PDE4C: variants seen among roughly 807,000 people sequenced by gnomAD.
The protein encoded by PDE4C is phosphodiesterase 4C, also known as 3',5'-cyclic-AMP phosphodiesterase 4C.
PDE4C carries 50 observed loss-of-function variants against 63.9 expected under a neutral mutation model. The observed-to-expected ratio is 0.78, with a 90% CI of 0.62 to 0.99. The LOEUF (loss-of-function observed/expected upper bound fraction) is 0.99. Ranked by LOEUF, PDE4C falls within the 50% of genes least tolerant of loss-of-function variation. PDE4C has a pLI of 0.00. For missense variants in PDE4C, 777 were observed against 899.1 expected, an observed-to-expected ratio of 0.86 and a Z score of 1.74; for synonymous variants, 377 against 385.1, an observed-to-expected ratio of 0.98 and a Z score of 0.25.
In PDE4C at chr19:18,220,290, G is replaced by A; in HGVS notation, c.642C>T (p.Thr214=). The change falls in exon 7 of 15, where the codon ACC becomes ACT. Residue 214 remains threonine (T), a synonymous_variant. Coordinates refer to ENST00000262805, the Ensembl canonical transcript of PDE4C. The surrounding 1 kb of genome is among the most constrained non-coding windows in gnomAD (Gnocchi z 5.1). ...CGGAGCGGCTGGTTTCGGACAGGTG[G>A]GTCAACTCCCGGTTCAGGATCCGCT... is the stretch of plus-strand genomic sequence containing the variant. 1 of 1,614,102 alleles carries A rather than the reference G, an allele frequency of 6.2e-7. No individual in the cohort carries two copies.
chr19:18,214,250 CAAA>C (rs78275392), intron 12 of PDE4C, among the ~76,000 whole-genome samples: 8 of 113,570 alleles, frequency 7.0e-5, no homozygotes, highest in Admixed American at 5.5e-4. Flanking sequence ...GACTCCGTCT[CAAA>C]AAAAAAAAAA....
At chr19:18,211,043 C>T (rs1967907746) in exon 15 of PDE4C, 1 of 1,614,136 alleles carries the variant, frequency 6.2e-7, no homozygotes, top group Non-Finnish European at 8.5e-7. Context: ...TCTCTTCCCC[C>T]TCCTCTTCTT....
downstream of PDE4C, chr19:18,208,754 C>T (rs1391602984): frequency 6.6e-6 from 1 of 152,154 alleles, no homozygotes; most frequent in East Asian, 1.9e-4. Context: ...CACACCTCGT[C>T]GGAGTTTATC....
exon 15 of PDE4C, chr19:18,211,003 G>A: frequency 1.2e-6 from 2 of 1,614,182 alleles, no homozygotes; most frequent in Non-Finnish European, 1.7e-6. Flanking sequence ...TCAGTGTCAG[G>A]CAACTCCAAG....
intron 1 of PDE4C, chr19:18,224,239 G>A (rs1322351200): frequency 1.0e-6 from 1 of 985,412 alleles, no homozygotes; most frequent in Non-Finnish European, 1.2e-6. Flanking sequence ...GGTGACCTGG[G>A]GGTGGGTTTT....
In PDE4C at chr19:18,247,906, G is replaced by A. The variant is rs940160452; in HGVS notation, c.-210+265C>T. ...AGGCACCAGTGTGAGACACCCGCCC[G>A]GACCTTGCAGCGGTCCCCATCCAGG... On this transcript the variant is annotated intron_variant, in intron 1 of 15. Transcript: ENST00000594617. Among the ~76,000 whole-genome samples the A allele has an allele frequency of 2.0e-5, 3 of 152,134 alleles. No homozygotes were observed. In the East Asian group the frequency reaches 5.8e-4, roughly 29 times the overall value.
At chr19:18,222,397 G>T in intron 1 of PDE4C, 74 bp from the exon 2 acceptor site, 1 of 1,388,310 alleles carries the variant, frequency 7.2e-7, no homozygotes, top group Non-Finnish European at 1.0e-6. Context: ...ACCTTGTCTG[G>T]TGCGTCCTCC....
chr19:18,240,257 G>A (rs554721838), intron 1 of PDE4C, among the ~76,000 whole-genome samples: 5 of 151,674 alleles, frequency 3.3e-5, no homozygotes, highest in East Asian at 3.9e-4. Flanking sequence ...GCACCCCGTC[G>A]CTACAAAACA....
chr19:18,244,820 T>A (rs1257520332), intron 1 of PDE4C, among the ~76,000 whole-genome samples: 4 of 151,160 alleles, frequency 2.6e-5, no homozygotes, highest in Non-Finnish European at 5.9e-5. Context: ...CTTTTTTTTT[T>A]TCTTTTTCTT....
At position 18,246,784 on chromosome 19, in the gene PDE4C, G is replaced by T. The variant is rs549766705; in HGVS notation, c.-210+1387C>A. 7.2e-5 allele frequency among the ~76,000 whole-genome samples: 11 copies of T among 152,168 alleles called. No individual in the cohort carries two copies. The South Asian group carries it at 1.7e-3, about 23-fold the overall frequency. ...TCTACTAAAAATACAAAAATCAGCCGGGCGTCAAGGCTTGTGCCTGTAACT... is the reference window on the plus strand; with the variant it reads ...TCTACTAAAAATACAAAAATCAGCCTGGCGTCAAGGCTTGTGCCTGTAACT... On this transcript the variant is annotated intron_variant, in intron 1 of 15. Transcript: ENST00000594617.
At chr19:18,221,067 G>T in intron 4 of PDE4C, 38 bp downstream of exon 4, 1 of 749,700 alleles carries the variant, frequency 1.3e-6, no homozygotes, top group Non-Finnish European at 1.9e-6. Flanking sequence ...CCTTGTCTCT[G>T]CCGGCCCCGC....
At chr19:18,233,157 G>T in exon 1 of PDE4C, 1 of 1,558,798 alleles carries the variant, frequency 6.4e-7, no homozygotes, top group South Asian at 1.2e-5. Flanking sequence ...CCTGCTGCAA[G>T]CCTCTGCCCC....
chr19:18,232,983 G>A (rs1968881241), exon 1 of PDE4C: 1 of 1,496,308 alleles, frequency 6.7e-7, no homozygotes. Flanking sequence ...GGAGAGCCGC[G>A]ACTTCCTGAG....
exon 12 of PDE4C, chr19:18,216,760 C>T (rs1264438482): frequency 9.3e-6 from 15 of 1,612,482 alleles, no homozygotes; most frequent in Non-Finnish European, 1.1e-5. Context: ...GACCATCCTG[C>T]GCAGACTCAG....
intron 1 of PDE4C, among the ~76,000 whole-genome samples, chr19:18,246,338 C>A (rs1211363149): frequency 2.7e-5 from 4 of 146,384 alleles, no homozygotes; most frequent in Non-Finnish European, 4.5e-5. Flanking sequence ...CGTACACCAC[C>A]ATGACTGGCT....
At position 18,211,749 on chromosome 19, in the gene PDE4C, C is replaced by T. The variant is rs754305766; in HGVS notation, c.1695+10G>A. 1.2e-6 allele frequency: 2 copies of T among 1,614,088 alleles called. No individual in the cohort carries two copies. The highest frequency in any genetic ancestry group is 2.2e-5 in the South Asian group (2 of 91,078). Reference sequence around the variant, plus strand: ...CAGTGTCTACCGGTTCAGCCCAGTCCCCTGCCAACCTGGGACTTCTCCACT... The same window carrying T: ...CAGTGTCTACCGGTTCAGCCCAGTCTCCTGCCAACCTGGGACTTCTCCACT... On this transcript the variant is annotated intron_variant, in intron 14 of 14. Coordinates refer to ENST00000262805, the Ensembl canonical transcript of PDE4C.
chr19:18,223,393 A>G (rs1038568434), intron 1 of PDE4C, among the ~76,000 whole-genome samples: 7 of 152,054 alleles, frequency 4.6e-5, no homozygotes, highest in Non-Finnish European at 1.0e-4. Context: ...TATTTTTAGT[A>G]GAGACGGGGT....
chr19:18,227,331 C>T (rs116933979), upstream of PDE4C, among the ~76,000 whole-genome samples: 811 of 152,220 alleles, frequency 5.3e-3, 6 homozygotes, highest in Non-Finnish European at 8.0e-3. Context: ...CACCCCTCCA[C>T]GCAACTCCCC....
chr19:18,225,550 A>T (rs4458132), intron 1 of PDE4C: 44,858 of 152,130 alleles, frequency 0.29, 7,028 homozygotes, highest in Non-Finnish European at 0.34. Flanking sequence ...TTCGGCGCGG[A>T]CCAAGCGCAG....
Sources: gnomAD v4.1 joint callset for allele counts (sites outside exome capture counted in the v4.1 genomes callset) on GRCh38, gnomAD v4.1.1 for gene constraint, Gnocchi (gnomAD v3.1) non-coding constraint, MANE v1.5 for transcripts, NCBI Gene and HGNC (gene_info 2026-07-23, HGNC 2026-07-21) for gene names.